CNTN1: variants seen among roughly 807,000 people sequenced by gnomAD.
CNTN1 encodes contactin 1.
A neutral mutation model predicts 126.4 loss-of-function variants in CNTN1; 38 were observed. The observed-to-expected ratio is 0.30, with a 90% CI of 0.23 to 0.39. CNTN1 has a LOEUF of 0.39. Among genes scored for constraint, CNTN1 ranks in the 10% least tolerant of loss-of-function variants. The pLI, the probability that CNTN1 is intolerant of heterozygous loss-of-function variation, is 1.00. For missense variants in CNTN1, 1,009 were observed against 1,248.4 expected (o/e 0.81, Z 2.89); for synonymous variants, 413 against 422.6 (o/e 0.98, Z 0.28).
chr12:40,919,142 A>C (rs1481145381), intron 4 of CNTN1, among the ~76,000 whole-genome samples: 4 of 152,164 alleles, frequency 2.6e-5, no homozygotes, highest in Non-Finnish European at 5.9e-5. Flanking sequence ...TGCATAACTC[A>C]TACCTACAGA....
At chr12:40,950,757 G>T (rs1402284608) in intron 14 of CNTN1, among the ~76,000 whole-genome samples, 1 of 151,916 alleles carries the variant, frequency 6.6e-6, no homozygotes, top group Non-Finnish European at 1.5e-5. Context: ...ACGAAGGAAG[G>T]TATCTATGTT....
intron 1 of CNTN1, among the ~76,000 whole-genome samples, chr12:40,698,228 A>ATTTTTTT: frequency 1.4e-5 from 1 of 69,864 alleles, no homozygotes; most frequent in Middle Eastern, 8.6e-3. Flanking sequence ...CAGCCACTTA[A>ATTTTTTT]TTTTTTTTTT....
chr12:40,908,548 C>A, intron 2 of CNTN1, 55 bp downstream of exon 2: 1 of 1,253,644 alleles, frequency 8.0e-7, no homozygotes, highest in Non-Finnish European at 1.2e-6. Flanking sequence ...AATTGATATG[C>A]GTGTTTATTA....
chr12:41,065,101 G>A (rs1950021181), intron 23 of CNTN1, among the ~76,000 whole-genome samples: 1 of 152,076 alleles, frequency 6.6e-6, no homozygotes, highest in South Asian at 2.1e-4. Flanking sequence ...TGTCGCCCGG[G>A]CTGGAGTGCA....
intron 1 of CNTN1, among the ~76,000 whole-genome samples, chr12:40,706,109 T>TAG (rs541465352): frequency 3.5e-3 from 527 of 150,770 alleles, no homozygotes; most frequent in Non-Finnish European, 4.2e-3. Context: ...TATATATATA[T>TAG]ATAGATATAT....
chr12:40,770,365 G>T (rs1010551173), intron 1 of CNTN1, among the ~76,000 whole-genome samples: 1 of 151,992 alleles, frequency 6.6e-6, no homozygotes, highest in Non-Finnish European at 1.5e-5. Flanking sequence ...CTTTTCTAAA[G>T]GGCCAACTTA....
intron 1 of CNTN1, among the ~76,000 whole-genome samples, chr12:40,707,101 T>G: frequency 6.6e-6 from 1 of 151,314 alleles, no homozygotes; most frequent in African/African-American, 2.4e-5. Context: ...CCTGCTCAGA[T>G]TAAGACTATA....
intron 17 of CNTN1, among the ~76,000 whole-genome samples, chr12:41,013,137 A>C (rs1443851116): frequency 6.6e-6 from 1 of 152,156 alleles, no homozygotes. Context: ...TGGTTTGATC[A>C]GGTATGATGT....
In CNTN1 at chr12:40,971,862, A is replaced by G. The variant is rs1592344966; in HGVS notation, c.1805-9047A>G. The G allele has an allele frequency of 2.5e-5, 27 of 1,096,722 alleles. No homozygotes were observed. The South Asian group carries it at 5.7e-4, about 23-fold the overall frequency. The allele number at this position is 1,096,722 out of a possible 1,614,324, so 67.9% of individuals were successfully genotyped here. On this transcript the variant is annotated intron_variant, in intron 15 of 23. Coordinates refer to ENST00000551295, the MANE Select transcript of CNTN1 (RefSeq NM_001843.4). ...CGTATGAAGAACTGATGAATTGTATAATACAGGAGTATTGCCATTGAATGT... is the reference window on the plus strand; with the variant it reads ...CGTATGAAGAACTGATGAATTGTATGATACAGGAGTATTGCCATTGAATGT...
At chr12:40,903,151 A>T (rs897427849) in intron 1 of CNTN1, among the ~76,000 whole-genome samples, 1 of 152,196 alleles carries the variant, frequency 6.6e-6, no homozygotes, top group African/African-American at 2.4e-5. Context: ...AGACCCACAG[A>T]GCTGCATGAG....
At chr12:40,894,557 T>C (rs2136742643) in intron 1 of CNTN1, among the ~76,000 whole-genome samples, 1 of 152,280 alleles carries the variant, frequency 6.6e-6, no homozygotes, top group East Asian at 1.9e-4. Context: ...AAATAACATA[T>C]AAAATATGTC....
chr12:40,781,070 G>A (rs1939782321), intron 1 of CNTN1, among the ~76,000 whole-genome samples: 2 of 151,820 alleles, frequency 1.3e-5, no homozygotes, highest in Non-Finnish European at 2.9e-5. Flanking sequence ...GAACCAAATA[G>A]ATGAAATAAA....
intron 1 of CNTN1, among the ~76,000 whole-genome samples, chr12:40,904,240 A>G (rs201396972): frequency 3.8e-4 from 57 of 151,832 alleles, no homozygotes; most frequent in Middle Eastern, 3.4e-3. Flanking sequence ...GGATGGTCTC[A>G]ATCTCCTGAC....
At chr12:40,724,216 C>T (rs765166223) in intron 1 of CNTN1, among the ~76,000 whole-genome samples, 12 of 152,052 alleles carry the variant, frequency 7.9e-5, no homozygotes, top group Non-Finnish European at 1.2e-4. Context: ...AAGTCGGTCC[C>T]GGATACTAGG....
chr12:40,871,723 G>A (rs773209098), intron 1 of CNTN1, among the ~76,000 whole-genome samples: 25 of 152,152 alleles, frequency 1.6e-4, no homozygotes, highest in South Asian at 2.1e-4. Context: ...GGCTAAAAAT[G>A]ATCATGTTCA....
chr12:41,002,699 A>T (rs1948395642), intron 17 of CNTN1, among the ~76,000 whole-genome samples: 1 of 151,726 alleles, frequency 6.6e-6, no homozygotes, highest in South Asian at 2.1e-4. Context: ...CTGGGACCAC[A>T]GGTGCCTACC....
intron 23 of CNTN1, among the ~76,000 whole-genome samples, chr12:41,038,166 G>A (rs1949311036): frequency 6.6e-6 from 1 of 151,580 alleles, no homozygotes; most frequent in Non-Finnish European, 1.5e-5. Context: ...AAAAATAAAT[G>A]AATAAATAAA....
At chr12:41,033,406 A>G (rs1949187524) in intron 23 of CNTN1, among the ~76,000 whole-genome samples, 1 of 152,226 alleles carries the variant, frequency 6.6e-6, no homozygotes, top group African/African-American at 2.4e-5. Flanking sequence ...AAATTTTAGA[A>G]TATCAATTGA....
At chr12:40,908,635 G>A (rs941340146) in intron 2 of CNTN1, 142 bp downstream of exon 2, 7 of 579,368 alleles carry the variant, frequency 1.2e-5, no homozygotes, top group East Asian at 9.2e-5. Flanking sequence ...TATCAAGGGT[G>A]ACCCTATTTC....
Sources: gnomAD v4.1 joint callset for allele counts (sites outside exome capture counted in the v4.1 genomes callset) on GRCh38, gnomAD v4.1.1 for gene constraint, MANE v1.5 for transcripts, NCBI Gene and HGNC (gene_info 2026-07-23, HGNC 2026-07-21) for gene names.